Variants in CNTNAP2 observed in about 807,000 individuals in gnomAD.
The protein encoded by CNTNAP2 is contactin-associated protein-like 2.
In CNTNAP2, 98 loss-of-function variants were observed where a neutral mutation model predicts 155.2. That is an observed-to-expected ratio of 0.63 (90% confidence interval 0.54 to 0.75). CNTNAP2 has a LOEUF of 0.75. CNTNAP2 is among the 30% of genes least tolerant of loss of function. The probability of loss-of-function intolerance (pLI) is 0.00; values close to 1 mark genes in which losing one functional copy is unlikely to be tolerated. For missense variants in CNTNAP2, 1,727 were observed against 1,688.1 expected, an observed-to-expected ratio of 1.02 and a Z score of -0.40; for synonymous variants, 651 against 631.2, an observed-to-expected ratio of 1.03 and a Z score of -0.47.
chr7:146,576,931 C>T (rs1297307122), intron 1 of CNTNAP2, among the ~76,000 whole-genome samples: 1 of 152,066 alleles, frequency 6.6e-6, no homozygotes, highest in Non-Finnish European at 1.5e-5. Flanking sequence ...AGGGCTCCAC[C>T]ATAATAACTA....
intron 2 of CNTNAP2, among the ~76,000 whole-genome samples, chr7:146,837,958 C>T (rs1218728386): frequency 6.6e-6 from 1 of 152,128 alleles, no homozygotes; most frequent in African/African-American, 2.4e-5. Flanking sequence ...TGGTCTTGTG[C>T]AGTCTTGATC....
In CNTNAP2 at chr7:147,775,348, T is replaced by A. The variant is rs1447247556; in HGVS notation, c.2099-128217T>A. The stretch of plus-strand genomic sequence containing the variant: ...TTATATATATTTATAAATATATATA[T>A]TTATATATATTTATAAATATATATA... On this transcript the variant is annotated intron_variant, in intron 13 of 23. Transcript: ENST00000361727. Among the ~76,000 whole-genome samples, 25 of 44,054 alleles carry A rather than the reference T, an allele frequency of 5.7e-4. 1 individual carries two copies. Among genetic ancestry groups the A allele is most frequent in the African/African-American group, 3.7e-3 (19 of 5,136 alleles). 28.9% of individuals were successfully genotyped at this position (44,054 alleles called of 152,430 possible).
At chr7:146,281,024 C>T (rs1017448274) in intron 1 of CNTNAP2, among the ~76,000 whole-genome samples, 2 of 152,144 alleles carry the variant, frequency 1.3e-5, no homozygotes, top group South Asian at 2.1e-4. Context: ...GGCCATCTTG[C>T]TCCCTCTGTG....
At chr7:147,339,362 A>C (rs1232844665) in intron 9 of CNTNAP2, among the ~76,000 whole-genome samples, 1 of 152,088 alleles carries the variant, frequency 6.6e-6, no homozygotes, top group African/African-American at 2.4e-5. Flanking sequence ...CCATAACAGT[A>C]GGTCATTATA....
intron 1 of CNTNAP2, among the ~76,000 whole-genome samples, chr7:146,612,697 A>G (rs1799158186): frequency 6.6e-6 from 1 of 152,156 alleles, no homozygotes; most frequent in Admixed American, 6.5e-5. Context: ...GGTACAGCTT[A>G]AATTTCCCAT....
intron 8 of CNTNAP2, among the ~76,000 whole-genome samples, chr7:147,146,945 C>T (rs1050862215): frequency 6.6e-6 from 1 of 152,138 alleles, no homozygotes; most frequent in South Asian, 2.1e-4. Flanking sequence ...AGCTTAATTT[C>T]TTGTTTTCCC....
At chr7:146,426,402 TA>T (rs1563079287) in intron 1 of CNTNAP2, among the ~76,000 whole-genome samples, 23 of 113,320 alleles carry the variant, frequency 2.0e-4, no homozygotes, top group African/African-American at 7.9e-4. Flanking sequence ...TATATATATA[TA>T]TATATACACA....
chr7:147,051,650 G>T (rs1799476056), intron 4 of CNTNAP2, among the ~76,000 whole-genome samples: 1 of 151,916 alleles, frequency 6.6e-6, no homozygotes, highest in African/African-American at 2.4e-5. Flanking sequence ...TTTCATATTT[G>T]GAGTTTTTAG....
intron 4 of CNTNAP2, among the ~76,000 whole-genome samples, chr7:147,062,658 C>T (rs745316227): frequency 2.6e-5 from 4 of 152,070 alleles, no homozygotes; most frequent in Non-Finnish European, 5.9e-5. Flanking sequence ...TGCTTAGCAC[C>T]ATGGCTGGCT....
intron 1 of CNTNAP2, among the ~76,000 whole-genome samples, chr7:146,143,024 T>A (rs1291844211): frequency 6.6e-6 from 1 of 152,138 alleles, no homozygotes; most frequent in Non-Finnish European, 1.5e-5. Context: ...AAATCAAGCC[T>A]CTCAAATGAT....
At chr7:147,036,383 C>T (rs902228911) in intron 3 of CNTNAP2, among the ~76,000 whole-genome samples, 5 of 152,098 alleles carry the variant, frequency 3.3e-5, no homozygotes, top group Non-Finnish European at 4.4e-5. Flanking sequence ...CTAAAATTAA[C>T]ATTGTGGATG....
chr7:147,108,444 A>G, intron 5 of CNTNAP2, 94 bp downstream of exon 5: 1 of 1,077,094 alleles, frequency 9.3e-7, no homozygotes, highest in Non-Finnish European at 1.3e-6. Flanking sequence ...GTAAATTATA[A>G]AAAGAGCTCA....
chr7:146,641,600 C>A (rs1474145025), intron 1 of CNTNAP2, among the ~76,000 whole-genome samples: 4 of 152,070 alleles, frequency 2.6e-5, no homozygotes, highest in Non-Finnish European at 4.4e-5. Flanking sequence ...ACTCTTTAAT[C>A]TCTGGTTATG....
intron 8 of CNTNAP2, chr7:147,146,838 T>A (rs1801713893): frequency 6.6e-6 from 1 of 152,202 alleles, no homozygotes. Flanking sequence ...TAAAGTGCTT[T>A]AGTGTTTTGC....
At chr7:147,598,344 C>T (rs185748250) in intron 12 of CNTNAP2, among the ~76,000 whole-genome samples, 519 of 152,174 alleles carry the variant, frequency 3.4e-3, no homozygotes, top group Middle Eastern at 0.01. Flanking sequence ...CCCCCGACCC[C>T]GCAACAGGCC....
At chr7:147,310,562 A>G (rs559186781) in intron 9 of CNTNAP2, among the ~76,000 whole-genome samples, 2 of 152,310 alleles carry the variant, frequency 1.3e-5, no homozygotes, top group African/African-American at 4.8e-5. Context: ...AAATTTTTAA[A>G]ACTGTAATGC....
intron 13 of CNTNAP2, among the ~76,000 whole-genome samples, chr7:147,761,674 T>C (rs1797300341): frequency 6.6e-6 from 1 of 152,150 alleles, no homozygotes; most frequent in Admixed American, 6.5e-5. Flanking sequence ...AATAGCACCA[T>C]AAGTTATATC....
At chr7:146,259,284 G>A (rs888815523) in intron 1 of CNTNAP2, among the ~76,000 whole-genome samples, 3 of 152,104 alleles carry the variant, frequency 2.0e-5, no homozygotes, top group East Asian at 1.9e-4. Flanking sequence ...AATTGGTACC[G>A]AGAGTGGGGT....
intron 3 of CNTNAP2, among the ~76,000 whole-genome samples, chr7:146,871,426 A>G (rs1210509527): frequency 6.6e-6 from 1 of 152,008 alleles, no homozygotes; most frequent in Non-Finnish European, 1.5e-5. Flanking sequence ...GCGACTCAGG[A>G]GGCTGAGATA....
Sources: gnomAD v4.1 joint callset for allele counts (sites outside exome capture counted in the v4.1 genomes callset) on GRCh38, gnomAD v4.1.1 for gene constraint, MANE v1.5 for transcripts, NCBI Gene and HGNC (gene_info 2026-07-23, HGNC 2026-07-21) for gene names.